MBOAT2: variants seen among roughly 807,000 people sequenced by gnomAD.
MBOAT2 encodes the protein membrane-bound glycerophospholipid O-acyltransferase 2.
In MBOAT2, 28 loss-of-function variants were observed where a neutral mutation model predicts 63.4. That is an observed-to-expected ratio of 0.44 (90% CI 0.33 to 0.61). The LOEUF is 0.61. Among genes scored for constraint, MBOAT2 ranks in the 20% least tolerant of loss-of-function variants. The probability of loss-of-function intolerance (pLI) is 0.03; values close to 1 mark genes in which losing one functional copy is unlikely to be tolerated. For synonymous variants in MBOAT2, 211 were observed against 215.6 expected (o/e 0.98, Z 0.19); for missense variants, 470 against 605.8 (o/e 0.78, Z 2.35).
rs1666995016 is a variant in MBOAT2 at position 8,927,260 on chromosome 2, T to C, written c.299+15927A>G. On this transcript the variant is annotated intron_variant, in intron 3 of 12. Coordinates refer to ENST00000305997, the MANE Select transcript of MBOAT2 (RefSeq NM_138799.4). ...TCTGCCTTCTTTTTCTTCCTTTCTG[T>C]TACTTCTTAAACACTTTACCCTATA... Among the ~76,000 whole-genome samples, 4 of 152,186 alleles carry C rather than the reference T, an allele frequency of 2.6e-5. 1 individual carries two copies. In the South Asian group the frequency reaches 8.3e-4, roughly 32 times the overall value.
chr2:8,933,291 T>C (rs1186010813), intron 3 of MBOAT2, among the ~76,000 whole-genome samples: 3 of 152,210 alleles, frequency 2.0e-5, no homozygotes, highest in Non-Finnish European at 4.4e-5. Context: ...TTCAGTAATA[T>C]ATAATTATTT....
intron 1 of MBOAT2, among the ~76,000 whole-genome samples, chr2:8,994,090 A>G (rs1672101937): frequency 6.6e-6 from 1 of 152,236 alleles, no homozygotes; most frequent in Non-Finnish European, 1.5e-5. Flanking sequence ...TCAGAAGCTG[A>G]GCCAGTCTAT....
intron 1 of MBOAT2, among the ~76,000 whole-genome samples, chr2:8,960,699 T>C (rs1298034140): frequency 1.3e-5 from 2 of 152,210 alleles, no homozygotes; most frequent in East Asian, 1.9e-4. Context: ...TACAGAATCT[T>C]TGAAATCATC....
In MBOAT2 at chr2:8,855,942, G is replaced by A. The variant is rs1443742440; in HGVS notation, c.*2737C>T. On this transcript the variant is annotated 3_prime_UTR_variant, in exon 13 of 13. Transcript: ENST00000305997. ...AAAAAAAGCAAGCACATAATACAAC[G>A]AATCCCCTTTCTATTTAACAGGAGT... is the stretch of plus-strand genomic sequence containing the variant. 2 of 151,760 alleles carry A rather than the reference G, an allele frequency of 1.3e-5. No individual in the cohort carries two copies. The highest frequency in any genetic ancestry group is 2.4e-5 in the African/African-American group (1 of 41,282). 9.4% of individuals were successfully genotyped at this position (151,760 alleles called of 1,614,324 possible). A position where few individuals can be genotyped will look rare whatever the true frequency, so the allele number is the denominator to read the frequency against.
intron 4 of MBOAT2, among the ~76,000 whole-genome samples, chr2:8,907,616 C>T (rs1365808678): frequency 1.3e-5 from 2 of 152,160 alleles, no homozygotes; most frequent in Non-Finnish European, 2.9e-5. Context: ...TCTGCCCTTC[C>T]AGGTGTATCT....
At position 8,871,799 on chromosome 2, in the gene MBOAT2, C is replaced by G. The variant is rs752644405; in HGVS notation, c.883+1309G>C. Among the ~76,000 whole-genome samples the G allele has an allele frequency of 4.6e-5, 7 of 152,120 alleles. No homozygotes were observed. In the East Asian group the frequency reaches 9.6e-4, roughly 21 times the overall value. On this transcript the variant is annotated intron_variant, in intron 8 of 12. Coordinates refer to ENST00000305997, the MANE Select transcript of MBOAT2 (RefSeq NM_138799.4). The stretch of plus-strand genomic sequence containing the variant: ...TCAAAATAAAACCGACAGTAAAATG[C>G]TAATCCTTAGAGGCCTAATTATTGG...
intron 3 of MBOAT2, among the ~76,000 whole-genome samples, chr2:8,938,780 T>C (rs1667850265): frequency 6.6e-6 from 1 of 152,208 alleles, no homozygotes; most frequent in Admixed American, 6.5e-5. Context: ...GCCACCGTGT[T>C]TCATGCTGCC....
At chr2:8,980,265 G>C (rs1440094596) in intron 1 of MBOAT2, among the ~76,000 whole-genome samples, 13 of 152,126 alleles carry the variant, frequency 8.5e-5, no homozygotes, top group Admixed American at 8.5e-4. Context: ...GTGGGAATGT[G>C]TGCCACAGGA....
At chr2:8,936,277 G>A (rs1667655752) in intron 3 of MBOAT2, among the ~76,000 whole-genome samples, 1 of 152,200 alleles carries the variant, frequency 6.6e-6, no homozygotes, top group African/African-American at 2.4e-5. Flanking sequence ...GTTCATTTCA[G>A]AGGGTAAGGA....
At chr2:8,890,466 C>T (rs148767629) in intron 4 of MBOAT2, among the ~76,000 whole-genome samples, 2 of 152,290 alleles carry the variant, frequency 1.3e-5, no homozygotes, top group East Asian at 3.9e-4. Context: ...CAGTCTTGTT[C>T]ACCACTGAAT....
At chr2:8,899,782 T>C (rs938252666) in intron 4 of MBOAT2, among the ~76,000 whole-genome samples, 4 of 152,250 alleles carry the variant, frequency 2.6e-5, no homozygotes, top group African/African-American at 4.8e-5. Flanking sequence ...CAAGGTTTGT[T>C]TGTCTGAGGG....
chr2:8,936,554 G>C (rs982548802), intron 3 of MBOAT2, among the ~76,000 whole-genome samples: 1 of 152,080 alleles, frequency 6.6e-6, no homozygotes, highest in Non-Finnish European at 1.5e-5. Context: ...GGAGGCCAAG[G>C]CAGGCAGATC....
At chr2:8,985,963 A>C (rs1049170832) in intron 1 of MBOAT2, among the ~76,000 whole-genome samples, 17 of 152,232 alleles carry the variant, frequency 1.1e-4, no homozygotes, top group African/African-American at 4.1e-4. Flanking sequence ...TAAAAAGAGA[A>C]ACTTTACAGT....
chr2:8,900,162 G>A (rs1306175141), intron 4 of MBOAT2, among the ~76,000 whole-genome samples: 4 of 152,096 alleles, frequency 2.6e-5, no homozygotes, highest in Non-Finnish European at 5.9e-5. Context: ...CAGGACAACA[G>A]ATGTTTACGA....
chr2:8,906,152 G>A (rs1573015390), intron 4 of MBOAT2, among the ~76,000 whole-genome samples: 3 of 152,124 alleles, frequency 2.0e-5, no homozygotes, highest in Non-Finnish European at 1.5e-5. Context: ...TAGAGACAGG[G>A]TTTTGCCATG....
intron 1 of MBOAT2, among the ~76,000 whole-genome samples, chr2:8,969,772 A>G (rs1392951468): frequency 6.6e-6 from 1 of 152,234 alleles, no homozygotes; most frequent in African/African-American, 2.4e-5. Flanking sequence ...AGAGACAAAG[A>G]AGGCCATTAT....
chr2:8,940,663 AC>A (rs1183382340), intron 3 of MBOAT2, among the ~76,000 whole-genome samples: 47 of 152,020 alleles, frequency 3.1e-4, no homozygotes, highest in African/African-American at 1.1e-3. Flanking sequence ...AAAGGGAATT[AC>A]AAAAATAAAG....
chr2:8,970,688 A>G (rs181863545), intron 1 of MBOAT2, among the ~76,000 whole-genome samples: 2 of 152,162 alleles, frequency 1.3e-5, no homozygotes, highest in African/African-American at 4.8e-5. Flanking sequence ...GATAAAGGGG[A>G]TATCACCACC....
intron 1 of MBOAT2, among the ~76,000 whole-genome samples, chr2:8,992,879 C>T (rs570641545): frequency 4.6e-5 from 7 of 152,334 alleles, no homozygotes; most frequent in African/African-American, 1.7e-4. Context: ...CACGGGTTTA[C>T]CTGTTCCTTT....
Sources: allele counts gnomAD v4.1 joint callset (sites outside exome capture counted in the v4.1 genomes callset), GRCh38; gene constraint gnomAD v4.1.1; transcripts MANE v1.5; gene names NCBI Gene and HGNC (gene_info 2026-07-23, HGNC 2026-07-21).